INPP4B: variants seen among roughly 807,000 people sequenced by gnomAD.
INPP4B encodes inositol polyphosphate 4-phosphatase type II.
INPP4B carries 55 observed loss-of-function variants against 122.5 expected under a neutral mutation model. The observed-to-expected ratio is 0.45, with a 90% CI of 0.36 to 0.56. The LOEUF is 0.56. Among genes scored for constraint, INPP4B ranks in the 20% least tolerant of loss-of-function variants. The probability of loss-of-function intolerance (pLI) is 0.00; values close to 1 mark genes in which losing one functional copy is unlikely to be tolerated. For synonymous variants in INPP4B, 403 were observed against 388.7 expected, an observed-to-expected ratio of 1.04 and a Z score of -0.43; for missense variants, 1,000 against 1,097.7, an observed-to-expected ratio of 0.91 and a Z score of 1.26.
At chr4:142,235,843 T>C (rs1856486237) in intron 12 of INPP4B, among the ~76,000 whole-genome samples, 1 of 152,244 alleles carries the variant, frequency 6.6e-6, no homozygotes, top group Non-Finnish European at 1.5e-5. Flanking sequence ...ATTTTGATAT[T>C]TGTATATGAT....
chr4:142,604,018 G>A (rs1048848867), intron 2 of INPP4B, among the ~76,000 whole-genome samples: 1 of 151,926 alleles, frequency 6.6e-6, no homozygotes, highest in Non-Finnish European at 1.5e-5. Context: ...ATGTCTAGAA[G>A]ATAATACAAC....
intron 1 of INPP4B, among the ~76,000 whole-genome samples, chr4:142,803,364 T>C (rs960712522): frequency 6.6e-6 from 1 of 152,006 alleles, no homozygotes; most frequent in Non-Finnish European, 1.5e-5. Context: ...AAATGCTTTT[T>C]TATTAGCTTT....
chr4:142,286,827 T>C (rs970211270), intron 9 of INPP4B: 1 of 152,242 alleles, frequency 6.6e-6, no homozygotes, highest in Non-Finnish European at 1.5e-5. Context: ...GTCACTTTTT[T>C]ATCTTTTTGA....
intron 23 of INPP4B, among the ~76,000 whole-genome samples, chr4:142,102,521 C>T (rs747445227): frequency 2.1e-5 from 3 of 140,698 alleles, no homozygotes; most frequent in Non-Finnish European, 3.0e-5. Context: ...GCGTGAGAGA[C>T]GTGAGAGAAA....
intron 2 of INPP4B, among the ~76,000 whole-genome samples, chr4:142,507,568 T>TA (rs974003789): frequency 3.1e-4 from 47 of 151,960 alleles, no homozygotes; most frequent in African/African-American, 1.0e-3. Flanking sequence ...AAATGAAAGA[T>TA]AAAAAAAGAC....
intron 9 of INPP4B, among the ~76,000 whole-genome samples, chr4:142,288,671 C>T (rs1051913021): frequency 2.6e-5 from 4 of 152,106 alleles, no homozygotes; most frequent in Admixed American, 1.3e-4. Flanking sequence ...ACATTGTCCT[C>T]GCTTTATACA....
At chr4:142,381,076 A>G (rs1793927148) in intron 7 of INPP4B, among the ~76,000 whole-genome samples, 1 of 152,128 alleles carries the variant, frequency 6.6e-6, no homozygotes, top group African/African-American at 2.4e-5. Flanking sequence ...GATTTTCCAT[A>G]TATCTTTAAG....
chr4:142,524,143 C>T (rs1336196139), intron 2 of INPP4B, among the ~76,000 whole-genome samples: 1 of 151,788 alleles, frequency 6.6e-6, no homozygotes, highest in Non-Finnish European at 1.5e-5. Context: ...TTTATAGCAG[C>T]ATGATTTATA....
At chr4:142,475,204 G>T (rs1200408062) in intron 2 of INPP4B, among the ~76,000 whole-genome samples, 1 of 151,994 alleles carries the variant, frequency 6.6e-6, no homozygotes, top group Non-Finnish European at 1.5e-5. Flanking sequence ...CCCAGGAGTA[G>T]AATAGAATCA....
At chr4:142,395,657 A>T (rs1799133688) in intron 7 of INPP4B, among the ~76,000 whole-genome samples, 1 of 152,202 alleles carries the variant, frequency 6.6e-6, no homozygotes, top group Admixed American at 6.5e-5. Flanking sequence ...GAGACAACCT[A>T]AACGTTCATC....
chr4:142,820,292 A>G (rs1430529367), intron 1 of INPP4B, among the ~76,000 whole-genome samples: 3 of 152,068 alleles, frequency 2.0e-5, no homozygotes, highest in Non-Finnish European at 4.4e-5. Context: ...GGGAAGGGAG[A>G]GTGAATGAGC....
intron 7 of INPP4B, among the ~76,000 whole-genome samples, chr4:142,381,948 TTA>T (rs1373827412): frequency 6.6e-6 from 1 of 152,076 alleles, no homozygotes; most frequent in Admixed American, 6.6e-5. Context: ...TAGTTTTATG[TTA>T]TGTTTCAATG....
intron 1 of INPP4B, among the ~76,000 whole-genome samples, chr4:142,793,809 A>G (rs1222113759): frequency 1.3e-5 from 2 of 152,208 alleles, no homozygotes; most frequent in East Asian, 3.9e-4. Flanking sequence ...ACTTTAAAAT[A>G]GCATGAAAAA....
intron 15 of INPP4B, among the ~76,000 whole-genome samples, chr4:142,179,083 C>T (rs1423140715): frequency 6.6e-6 from 1 of 151,992 alleles, no homozygotes; most frequent in Non-Finnish European, 1.5e-5. Context: ...CAAAACAAAA[C>T]AGTATTTTAC....
intron 2 of INPP4B, among the ~76,000 whole-genome samples, chr4:142,596,634 G>C (rs1220125959): frequency 6.6e-6 from 1 of 152,140 alleles, no homozygotes; most frequent in East Asian, 1.9e-4. Context: ...GGAGAAAAAA[G>C]GTAAGAAAGA....
intron 15 of INPP4B, among the ~76,000 whole-genome samples, chr4:142,179,603 A>G (rs993293350): frequency 1.2e-4 from 17 of 138,076 alleles, no homozygotes; most frequent in Non-Finnish European, 2.3e-4. Flanking sequence ...TCCCCCTCTA[A>G]GAAAATGTGT....
intron 1 of INPP4B, among the ~76,000 whole-genome samples, chr4:142,784,384 T>TAAAC (rs1775404387): frequency 6.8e-6 from 1 of 147,936 alleles, no homozygotes; most frequent in African/African-American, 2.5e-5. Context: ...AATAAATAAA[T>TAAAC]AAATAAATAA....
intron 9 of INPP4B, among the ~76,000 whole-genome samples, chr4:142,293,006 G>A (rs1335973001): frequency 2.7e-5 from 4 of 148,408 alleles, no homozygotes; most frequent in Admixed American, 6.8e-5. Context: ...CCAAGATGAT[G>A]TTATAAAAAA....
chr4:142,608,377 T>A (rs111720511), intron 2 of INPP4B, among the ~76,000 whole-genome samples: 1 of 152,158 alleles, frequency 6.6e-6, no homozygotes, highest in Non-Finnish European at 1.5e-5. Flanking sequence ...AAAACAAACA[T>A]GATAATGTCA....
Sources: gnomAD v4.1 joint callset for allele counts (sites outside exome capture counted in the v4.1 genomes callset) on GRCh38, gnomAD v4.1.1 for gene constraint, MANE v1.5 for transcripts, NCBI Gene and HGNC (gene_info 2026-07-23, HGNC 2026-07-21) for gene names.